Variants in CR1L observed in about 807,000 individuals in gnomAD.
The protein encoded by CR1L is complement C3b/C4b receptor 1 like.
A neutral mutation model predicts 62.3 loss-of-function variants in CR1L; 59 were observed. The observed-to-expected ratio is 0.95, with a 90% CI of 0.77 to 1.18. The LOEUF (loss-of-function observed/expected upper bound fraction) is 1.18. Among genes scored for constraint, CR1L ranks in the 50% most tolerant of loss-of-function variants. CR1L has a pLI of 0.00. For missense variants in CR1L, 700 were observed against 702.8 expected (o/e 1.00, Z 0.04); for synonymous variants, 279 against 248.7 (o/e 1.12, Z -1.15).
chr1:207,653,614 G>A (rs1663262994), intron 1 of CR1L, among the ~76,000 whole-genome samples: 1 of 152,132 alleles, frequency 6.6e-6, no homozygotes. Context: ...TTGAACAAAA[G>A]CTCTCAGTTG....
chr1:207,681,843 T>C (rs1204876106), intron 3 of CR1L, among the ~76,000 whole-genome samples: 1 of 152,244 alleles, frequency 6.6e-6, no homozygotes, highest in Non-Finnish European at 1.5e-5. Flanking sequence ...ATTTGTTCTC[T>C]ATTTGTGTGC....
At chr1:207,708,599 A>T (rs536757667) in intron 10 of CR1L, among the ~76,000 whole-genome samples, 8 of 152,220 alleles carry the variant, frequency 5.3e-5, no homozygotes, top group Non-Finnish European at 7.3e-5. Flanking sequence ...AAGAAACCGC[A>T]TATCCTCTCT....
At chr1:207,680,483 G>A (rs1663778111) in intron 3 of CR1L, among the ~76,000 whole-genome samples, 1 of 152,026 alleles carries the variant, frequency 6.6e-6, no homozygotes, top group African/African-American at 2.4e-5. Flanking sequence ...AAGTGTACCT[G>A]GGATCTTTCT....
At chr1:207,669,674 A>G (rs1454907127) in intron 1 of CR1L, 2 of 666,646 alleles carry the variant, frequency 3.0e-6, no homozygotes, top group African/African-American at 2.0e-5. Flanking sequence ...GCCCGGGTCC[A>G]AAGGCAGCGC....
At chr1:207,711,802 G>A (rs1664362122) in intron 10 of CR1L, among the ~76,000 whole-genome samples, 1 of 151,988 alleles carries the variant, frequency 6.6e-6, no homozygotes, top group African/African-American at 2.4e-5. Context: ...ATGAGGCTGA[G>A]GCAGGAGAAT....
At chr1:207,673,642 T>A (rs1351072065) in intron 1 of CR1L, among the ~76,000 whole-genome samples, 1 of 152,164 alleles carries the variant, frequency 6.6e-6, no homozygotes, top group African/African-American at 2.4e-5. Flanking sequence ...CTAGAATGGC[T>A]AAAATGGAAA....
In CR1L at chr1:207,723,170, G is replaced by A. The variant is rs984596605; in HGVS notation, c.1643-448G>A. Among the ~76,000 whole-genome samples, 5 of 152,152 alleles carry A rather than the reference G, an allele frequency of 3.3e-5. No homozygotes were observed. The East Asian group carries it at 5.8e-4, about 18-fold the overall frequency. On this transcript the variant is annotated intron_variant, in intron 11 of 11. Transcript: ENST00000508064. ...TAAAGTCTTCTTGGCAGTGGCTCGC[G>A]CCTGTATTCCCAGCACTTTGGGAGG...
At chr1:207,661,811 T>G (rs1475837997) in intron 1 of CR1L, among the ~76,000 whole-genome samples, 2 of 152,246 alleles carry the variant, frequency 1.3e-5, no homozygotes. Context: ...GTTTAGTGCT[T>G]CCTTCAGAAG....
intron 1 of CR1L, among the ~76,000 whole-genome samples, chr1:207,650,987 A>G (rs6662432): frequency 0.47 from 71,881 of 151,722 alleles, 17,549 homozygotes; most frequent in African/African-American, 0.59. Flanking sequence ...GGGTTTCACC[A>G]TGTTAGCCAG....
intron 11 of CR1L, 105 bp downstream of exon 11, chr1:207,717,796 T>C: frequency 7.2e-7 from 1 of 1,397,416 alleles, no homozygotes; most frequent in Non-Finnish European, 9.9e-7. Context: ...ATGGCTTTGC[T>C]GTAACTGTCA....
chr1:207,649,239 G>A (rs1393007902), intron 1 of CR1L, among the ~76,000 whole-genome samples: 2 of 152,168 alleles, frequency 1.3e-5, no homozygotes, highest in Admixed American at 1.3e-4. Flanking sequence ...ATTCAGAGCA[G>A]AGGAAGCAAG....
intron 1 of CR1L, among the ~76,000 whole-genome samples, chr1:207,646,173 C>G (rs1214364559): frequency 6.6e-6 from 1 of 152,274 alleles, no homozygotes; most frequent in Admixed American, 6.5e-5. Context: ...CCAATATAGA[C>G]AGTATCTGAT....
At position 207,682,984 on chromosome 1, in the gene CR1L, C is replaced by CTT. The variant is rs369838261; in HGVS notation, c.378-886_378-885dup. The stretch of plus-strand genomic sequence containing the variant: ...ATTTTCTTTCTTTCTTTCTTTCTTT[C>CTT]TTTCTTTTTTTCTTTCTTTCTTTCT... On this transcript the variant is annotated intron_variant, in intron 3 of 11. Transcript: ENST00000508064. Among the ~76,000 whole-genome samples, 6 of 77,712 alleles carry CTT rather than the reference C, an allele frequency of 7.7e-5. No individual in the cohort carries two copies. The East Asian group carries it at 1.9e-3, about 25-fold the overall frequency. The allele number at this position is 77,712 out of a possible 152,430, so 51.0% of individuals were successfully genotyped here.
intron 3 of CR1L, among the ~76,000 whole-genome samples, chr1:207,681,243 A>G (rs1450123944): frequency 6.6e-6 from 1 of 152,208 alleles, no homozygotes; most frequent in Admixed American, 6.5e-5. Context: ...AAGTCTAGAC[A>G]TGTTCACCCA....
chr1:207,683,372 AG>A (rs1558018015), intron 3 of CR1L, among the ~76,000 whole-genome samples: 1 of 152,122 alleles, frequency 6.6e-6, no homozygotes, highest in Non-Finnish European at 1.5e-5. Flanking sequence ...CCTGAGCTCA[AG>A]CAGTCCTCCT....
chr1:207,704,631 T>G (rs141496794), intron 9 of CR1L, among the ~76,000 whole-genome samples: 68 of 152,364 alleles, frequency 4.5e-4, no homozygotes, highest in African/African-American at 1.6e-3. Context: ...ACCACCCTGA[T>G]CAGTCAGCAG....
At chr1:207,703,941 G>C (rs1395162794) in intron 9 of CR1L, among the ~76,000 whole-genome samples, 1 of 151,144 alleles carries the variant, frequency 6.6e-6, no homozygotes, top group Non-Finnish European at 1.5e-5. Context: ...GCAATAGAGG[G>C]AGACTTCAAC....
chr1:207,667,861 C>T (rs113001246), intron 1 of CR1L, among the ~76,000 whole-genome samples: 4,864 of 150,918 alleles, frequency 0.032, 215 homozygotes, highest in Middle Eastern at 0.068. Flanking sequence ...GGGCACAAGA[C>T]CTGAACAGAC....
intron 1 of CR1L, among the ~76,000 whole-genome samples, chr1:207,650,701 G>T (rs577745174): frequency 1.8e-4 from 28 of 152,282 alleles, no homozygotes; most frequent in Admixed American, 1.5e-3. Context: ...ATCTGGGCAG[G>T]GCTGTGGGTA....
Sources: allele counts gnomAD v4.1 joint callset (sites outside exome capture counted in the v4.1 genomes callset), GRCh38; gene constraint gnomAD v4.1.1; transcripts MANE v1.5; gene names NCBI Gene and HGNC (gene_info 2026-07-23, HGNC 2026-07-21).